KIAA1328: variants seen among roughly 807,000 people sequenced by gnomAD.
The protein encoded by KIAA1328 is protein hinderin.
A neutral mutation model predicts 68.1 loss-of-function variants in KIAA1328; 52 were observed. That is an observed-to-expected ratio of 0.76 (90% CI 0.61 to 0.96). The LOEUF (loss-of-function observed/expected upper bound fraction) is 0.96, where lower values mean the gene tolerates loss of function less well. KIAA1328 is among the 40% of genes least tolerant of loss of function. The pLI is 0.00. For synonymous variants in KIAA1328, 232 were observed against 239.4 expected (o/e 0.97, Z 0.28); for missense variants, 641 against 677.6 (o/e 0.95, Z 0.60).
At chr18:36,979,271 ACCT>A (rs2052591865) in intron 6 of KIAA1328, among the ~76,000 whole-genome samples, 3 of 152,008 alleles carry the variant, frequency 2.0e-5, no homozygotes, top group Admixed American at 6.5e-5. Flanking sequence ...TTAAAGTTGA[ACCT>A]CCAGTACCTC....
chr18:37,186,309 C>T (rs72896202), intron 9 of KIAA1328, among the ~76,000 whole-genome samples: 20,686 of 151,516 alleles, frequency 0.14, 1,762 homozygotes, highest in Admixed American at 0.18. Flanking sequence ...CAGTGGCTCA[C>T]GCTCCCAACA....
rs888799597 is a variant in KIAA1328 at position 37,063,660 on chromosome 18, G to A, written c.577-3230G>A. 1.8e-5 allele frequency: 18 copies of A among 985,188 alleles called. No homozygotes were observed. In the Admixed American group the frequency reaches 1.0e-3, roughly 57 times the overall value. 61.0% of individuals were successfully genotyped at this position (985,188 alleles called of 1,614,324 possible). A position where few individuals can be genotyped will look rare whatever the true frequency, so the allele number is the denominator to read the frequency against. On this transcript the variant is annotated intron_variant, in intron 6 of 9. Transcript: ENST00000280020. ...TAATTGACAGAGCATTGCTCTCTAGGCAAAGCATTCGTTAAAATCATTAAG... is the reference window on the plus strand; with the variant it reads ...TAATTGACAGAGCATTGCTCTCTAGACAAAGCATTCGTTAAAATCATTAAG...
chr18:37,179,859 TTCTCTGTGGGTTATA>T (rs2059665216), intron 9 of KIAA1328, among the ~76,000 whole-genome samples: 1 of 152,140 alleles, frequency 6.6e-6, no homozygotes, highest in South Asian at 2.1e-4. Flanking sequence ...TTACTCTTGA[TTCTCTGTGGGTTATA>T]AACCAAGGCT....
At chr18:37,112,730 G>A (rs951473892) in intron 7 of KIAA1328, among the ~76,000 whole-genome samples, 20 of 152,120 alleles carry the variant, frequency 1.3e-4, no homozygotes, top group Admixed American at 2.0e-4. Context: ...GAGGATTTTC[G>A]AACCAATCGC....
rs572857724 is a variant in KIAA1328 at position 37,078,211 on chromosome 18, A to T, written c.1232+10666A>T. Among the ~76,000 whole-genome samples, 550 of 152,364 alleles carry T rather than the reference A, an allele frequency of 3.6e-3. 3 individuals carry two copies. Among genetic ancestry groups the T allele is most frequent in the Non-Finnish European group, 6.0e-3 (411 of 68,034 alleles). ...CTATCTGATCTTTGACAAATCTGAG[A>T]AAAACAAGCAATGGGGAAAGGATTC... On this transcript the variant is annotated intron_variant, in intron 7 of 9. Transcript: ENST00000280020.
Position 37,223,859 on chromosome 18 carries a change from GC to G in KIAA1328, c.*1635del. On this transcript the variant is annotated 3_prime_UTR_variant, in exon 10 of 10. Transcript: ENST00000280020. ...ATTCTTTGGAGTAGAAAAGAATGGA[GC>G]CCACTAATATTATATTTTTCTTCTG... The G allele has an allele frequency of 1.0e-6, 1 of 983,954 alleles. No individual in the cohort carries two copies. Among genetic ancestry groups the G allele is most frequent in the Non-Finnish European group, 1.2e-6 (1 of 828,720 alleles). The allele number at this position is 983,954 out of a possible 1,614,324, so 61.0% of individuals were successfully genotyped here. A position where few individuals can be genotyped will look rare whatever the true frequency, so the allele number is the denominator to read the frequency against.
chr18:37,007,806 T>C (rs1350530897), intron 6 of KIAA1328, among the ~76,000 whole-genome samples: 1 of 152,106 alleles, frequency 6.6e-6, no homozygotes, highest in Non-Finnish European at 1.5e-5. Context: ...CTTCTGCTGA[T>C]TAAAACTAAA....
At chr18:37,102,516 C>A (rs986520481) in intron 7 of KIAA1328, among the ~76,000 whole-genome samples, 1 of 152,076 alleles carries the variant, frequency 6.6e-6, no homozygotes, top group Non-Finnish European at 1.5e-5. Flanking sequence ...GAAAAAAACT[C>A]ATAAAATTTG....
chr18:37,218,293 A>G (rs140379489), intron 9 of KIAA1328, among the ~76,000 whole-genome samples: 43 of 152,322 alleles, frequency 2.8e-4, no homozygotes, highest in African/African-American at 9.6e-4. Context: ...AACTTCATAC[A>G]TTGTTTGCTC....
chr18:37,160,494 C>A, intron 8 of KIAA1328, 113 bp downstream of exon 8: 1 of 918,174 alleles, frequency 1.1e-6, no homozygotes, highest in Non-Finnish European at 1.6e-6. Flanking sequence ...AATGTTTACA[C>A]ACTGAAGTGT....
intron 5 of KIAA1328, chr18:36,954,416 T>C (rs1036974057): frequency 6.6e-6 from 1 of 152,208 alleles, no homozygotes; most frequent in Non-Finnish European, 1.5e-5. Context: ...TAATTTCTGT[T>C]TTTCTATTTA....
intron 6 of KIAA1328, among the ~76,000 whole-genome samples, chr18:36,998,618 C>T (rs1210871319): frequency 6.6e-6 from 1 of 152,216 alleles, no homozygotes; most frequent in Admixed American, 6.5e-5. Flanking sequence ...AACCTTACCA[C>T]AGCTTCCATA....
chr18:36,834,323 C>T lies in KIAA1328; in HGVS notation c.62C>T (p.Ser21Phe), dbSNP rs1470892227. 6.3e-7 allele frequency: 1 copy of T among 1,583,790 alleles called. No homozygotes were observed. Among genetic ancestry groups the T allele is most frequent in the East Asian group, 2.3e-5 (1 of 44,130 alleles). Residue 21 changes from serine to phenylalanine, a missense_variant, in exon 2 of 10, where the codon TCT (serine) becomes TTT (phenylalanine). Physicochemically the swap from Ser to Phe is radical, Grantham distance 155. Coordinates refer to ENST00000280020, the MANE Select transcript of KIAA1328 (RefSeq NM_020776.3). Reference sequence around the variant, plus strand: ...TCCTTCATGTTCTCCTGCGTAGTTTCTGATGAAGAACAATCAGTAGTATAC... The same window carrying T: ...TCCTTCATGTTCTCCTGCGTAGTTTTTGATGAAGAACAATCAGTAGTATAC... The part of the protein sequence containing the change: ...SAAAFWSRDF[S>F]DEEQSVVYVP...
chr18:36,874,865 G>A (rs565797350), intron 4 of KIAA1328, among the ~76,000 whole-genome samples: 2 of 152,150 alleles, frequency 1.3e-5, no homozygotes. Flanking sequence ...TAGGATGTAA[G>A]GAAGGGGTCC....
At chr18:37,030,699 A>G (rs1403074519) in intron 6 of KIAA1328, among the ~76,000 whole-genome samples, 1 of 152,100 alleles carries the variant, frequency 6.6e-6, no homozygotes. Context: ...TTTATTTATT[A>G]TACTTTAAGT....
chr18:36,945,399 C>T (rs537227225), intron 5 of KIAA1328, among the ~76,000 whole-genome samples: 14 of 152,060 alleles, frequency 9.2e-5, no homozygotes, highest in Admixed American at 5.9e-4. Flanking sequence ...CCGCCCCCCC[C>T]ACGAAGTTAC....
chr18:37,203,649 G>A (rs1195631698), intron 9 of KIAA1328, among the ~76,000 whole-genome samples: 1 of 152,158 alleles, frequency 6.6e-6, no homozygotes, highest in Non-Finnish European at 1.5e-5. Context: ...GGTCTGTGAG[G>A]ATAACATCTG....
chr18:36,943,575 G>A (rs767246085), intron 5 of KIAA1328, among the ~76,000 whole-genome samples: 7 of 152,170 alleles, frequency 4.6e-5, no homozygotes, highest in Non-Finnish European at 7.3e-5. Flanking sequence ...GAGTTATTTA[G>A]CATTGTTCAT....
At chr18:37,097,634 A>G (rs373118300) in intron 7 of KIAA1328, among the ~76,000 whole-genome samples, 3 of 152,134 alleles carry the variant, frequency 2.0e-5, no homozygotes, top group Non-Finnish European at 4.4e-5. Context: ...GCTTGATGGG[A>G]ATGGCATTGA....
Sources: allele counts gnomAD v4.1 joint callset (sites outside exome capture counted in the v4.1 genomes callset), GRCh38; gene constraint gnomAD v4.1.1; transcripts MANE v1.5; gene names NCBI Gene and HGNC (gene_info 2026-07-23, HGNC 2026-07-21).